Variants in ADGRL3 observed in about 807,000 individuals in gnomAD.
ADGRL3 encodes the protein adhesion G protein-coupled receptor L3, also known as calcium-independent alpha-latrotoxin receptor 3.
A neutral mutation model predicts 153.5 loss-of-function variants in ADGRL3; 62 were observed. The ratio of observed to expected loss-of-function variants is 0.40; its 90% CI spans 0.33 to 0.50. ADGRL3 has a LOEUF of 0.50. Among genes scored for constraint, ADGRL3 ranks in the 20% least tolerant of loss-of-function variants. The pLI is 0.47. For missense variants in ADGRL3, 1,641 were observed against 1,859.4 expected (o/e 0.88, Z 2.16); for synonymous variants, 710 against 672.5 (o/e 1.06, Z -0.86).
chr4:61,390,033 C>G (rs1029054257), intron 2 of ADGRL3, among the ~76,000 whole-genome samples: 1 of 152,082 alleles, frequency 6.6e-6, no homozygotes, highest in Non-Finnish European at 1.5e-5. Flanking sequence ...CAGAATTTTA[C>G]AAAGGTTATA....
intron 2 of ADGRL3, among the ~76,000 whole-genome samples, chr4:61,459,291 A>G (rs1372873909): frequency 6.6e-6 from 1 of 151,942 alleles, no homozygotes; most frequent in Non-Finnish European, 1.5e-5. Context: ...TGGAATGTGT[A>G]TATTCTGGCT....
intron 17 of ADGRL3, among the ~76,000 whole-genome samples, chr4:61,978,159 GA>G (rs2099054458): frequency 6.6e-6 from 1 of 151,928 alleles, no homozygotes; most frequent in African/African-American, 2.4e-5. Context: ...CTATATAGTT[GA>G]AAAAAGTATC....
chr4:61,826,990 C>A (rs1299403901), intron 9 of ADGRL3, among the ~76,000 whole-genome samples: 1 of 152,152 alleles, frequency 6.6e-6, no homozygotes, highest in Non-Finnish European at 1.5e-5. Context: ...TCTTTCCCTT[C>A]CATTTCCCAC....
intron 17 of ADGRL3, among the ~76,000 whole-genome samples, chr4:61,952,546 G>A (rs1213262462): frequency 6.6e-6 from 1 of 151,880 alleles, no homozygotes; most frequent in Non-Finnish European, 1.5e-5. Context: ...GATGGTGCAG[G>A]TATACCAGAG....
chr4:61,681,054 A>G (rs1157968879), intron 6 of ADGRL3, among the ~76,000 whole-genome samples: 1 of 152,104 alleles, frequency 6.6e-6, no homozygotes, highest in Non-Finnish European at 1.5e-5. Context: ...CCAAATATTC[A>G]AGAGGTTAAA....
At position 62,078,181 on chromosome 4, in the gene ADGRL3, G is replaced by A. The variant is rs187663175; in HGVS notation, c.*7273G>A. The stretch of plus-strand genomic sequence containing the variant: ...TTAGGATTCTCATATATTTACACAT[G>A]GCATTATTCTTTTCATATACACCTA... On this transcript the variant is annotated 3_prime_UTR_variant, in exon 27 of 27. Transcript: ENST00000683033. 316 of 151,954 alleles carry A rather than the reference G, an allele frequency of 2.1e-3. 2 individuals are homozygous for A. Among genetic ancestry groups the A allele is most frequent in the African/African-American group, 7.3e-3 (305 of 41,508 alleles). The allele number at this position is 151,954 out of a possible 1,614,324, so 9.4% of individuals were successfully genotyped here.
intron 2 of ADGRL3, among the ~76,000 whole-genome samples, chr4:61,448,872 A>AGAAG: frequency 8.7e-4 from 12 of 13,736 alleles, no homozygotes; most frequent in Admixed American, 2.2e-3. Context: ...GAAGGAAGGA[A>AGAAG]GGAAAGGAAG....
intron 2 of ADGRL3, among the ~76,000 whole-genome samples, chr4:61,462,136 C>G (rs952200201): frequency 6.6e-6 from 1 of 152,168 alleles, no homozygotes; most frequent in African/African-American, 2.4e-5. Flanking sequence ...TAAATGGAGA[C>G]AAGAAGAAAC....
chr4:61,448,851 A>AGGGAGGGAGGGAAGGAAG (rs55980752), intron 2 of ADGRL3, among the ~76,000 whole-genome samples: 1 of 8,190 alleles, frequency 1.2e-4, no homozygotes, highest in Non-Finnish European at 4.7e-4. Flanking sequence ...AAGGAAGGGA[A>AGGGAGGGAGGGAAGGAAG]GGAAGGGAGG....
rs546349684 is a variant in ADGRL3, at chr4:61,299,176, G to T, written c.-239-83948G>T. ...CCATCTTCCCCCCCTTTTCTGTGAT[G>T]TGTCTTTCTTAGATTTCAGTGGCAT... On this transcript the variant is annotated intron_variant, in intron 1 of 26. Transcript: ENST00000683033. Among the ~76,000 whole-genome samples, 7 of 151,580 alleles carry T rather than the reference G, an allele frequency of 4.6e-5. No individual in the cohort carries two copies. In the East Asian group the frequency reaches 1.2e-3, roughly 25 times the overall value.
chr4:61,804,080 C>G (rs945412545), intron 8 of ADGRL3, among the ~76,000 whole-genome samples: 7 of 152,076 alleles, frequency 4.6e-5, no homozygotes, highest in African/African-American at 1.4e-4. Flanking sequence ...AAGTTGTATT[C>G]TATACAATGA....
rs1405041804 is a variant in ADGRL3 at position 61,724,287 on chromosome 4, TATAA to T, written c.584-6331_584-6328del. 3.3e-5 allele frequency among the ~76,000 whole-genome samples: 5 copies of T among 152,326 alleles called. No individual in the cohort carries two copies. The East Asian group carries it at 9.6e-4, about 29-fold the overall frequency. The stretch of plus-strand genomic sequence containing the variant: ...AAATTATTATTTTTACTAAAGCTAT[TATAA>T]ATAGATTCTCAAAAGAGTCTACTAA... On this transcript the variant is annotated intron_variant, in intron 6 of 26. Transcript: ENST00000683033.
At chr4:61,371,540 A>T (rs1284506997) in intron 1 of ADGRL3, among the ~76,000 whole-genome samples, 3 of 151,474 alleles carry the variant, frequency 2.0e-5, no homozygotes, top group Non-Finnish European at 4.4e-5. Context: ...CTTTTCTTTA[A>T]GAATGTTGAA....
intron 21 of ADGRL3, among the ~76,000 whole-genome samples, chr4:62,002,687 T>C (rs1285403842): frequency 6.6e-6 from 1 of 152,116 alleles, no homozygotes; most frequent in East Asian, 1.9e-4. Flanking sequence ...TATTTGCTGC[T>C]TGCTTACTTG....
chr4:61,444,736 T>C (rs2097563431), intron 2 of ADGRL3, among the ~76,000 whole-genome samples: 1 of 152,156 alleles, frequency 6.6e-6, no homozygotes, highest in Non-Finnish European at 1.5e-5. Flanking sequence ...CAAGAATCTC[T>C]GCAATCAATT....
intron 4 of ADGRL3, among the ~76,000 whole-genome samples, chr4:61,542,090 G>A (rs953037829): frequency 1.3e-5 from 2 of 151,876 alleles, no homozygotes; most frequent in Admixed American, 1.3e-4. Flanking sequence ...TAGATTTTTA[G>A]GTAAGTAGAG....
chr4:62,070,600 G>C lies in ADGRL3; in HGVS notation c.4324G>C (p.Glu1442Gln). The C allele has an allele frequency of 1.3e-6, 2 of 1,551,226 alleles. No homozygotes were observed. The highest frequency in any genetic ancestry group is 1.7e-6 in the Non-Finnish European group (2 of 1,146,988). ...CCCTTTGCTAACCAACGAGCACACAGAAGATCTCCAGTCACCCCATAGAGA... is the reference window on the plus strand; with the variant it reads ...CCCTTTGCTAACCAACGAGCACACACAAGATCTCCAGTCACCCCATAGAGA... ...FFPLLTNEHT[E>Q]DLQSPHRDSL... The change falls in exon 27 of 27, where the codon GAA (glutamate) becomes CAA (glutamine). Residue 1442 changes from glutamate to glutamine, a missense_variant. Physicochemically the swap from Glu to Gln is conservative, Grantham distance 29 (BLOSUM62 2). Coordinates refer to ENST00000683033, the MANE Select transcript of ADGRL3 (RefSeq NM_001387552.1).
In ADGRL3 at chr4:61,355,748, A is replaced by G. The variant is rs562421013; in HGVS notation, c.-239-27376A>G. Among the ~76,000 whole-genome samples, 32 of 152,232 alleles carry G rather than the reference A, an allele frequency of 2.1e-4. No individual in the cohort carries two copies. The East Asian group carries it at 6.0e-3, about 29-fold the overall frequency. ...TTCACCTCTTGGTACAGCTATGCTA[A>G]TCTTCCTATGGGAGTTATAGATCTA... On this transcript the variant is annotated intron_variant, in intron 1 of 26. Coordinates refer to ENST00000683033, the MANE Select transcript of ADGRL3 (RefSeq NM_001387552.1).
At chr4:61,937,205 G>C (rs2098842953) in intron 15 of ADGRL3, among the ~76,000 whole-genome samples, 1 of 152,196 alleles carries the variant, frequency 6.6e-6, no homozygotes, top group Admixed American at 6.5e-5. Flanking sequence ...CATCTGACCA[G>C]TTGACCTCCA....
Sources: allele counts gnomAD v4.1 joint callset (sites outside exome capture counted in the v4.1 genomes callset), GRCh38; gene constraint gnomAD v4.1.1; transcripts MANE v1.5; gene names NCBI Gene and HGNC (gene_info 2026-07-23, HGNC 2026-07-21).